Variants in CACHD1 observed in about 807,000 individuals in gnomAD.
CACHD1 encodes the protein VWFA and cache domain-containing protein 1.
Under a neutral mutation model 138.7 loss-of-function variants are expected in CACHD1, and 71 were observed. The observed-to-expected ratio is 0.51, with a 90% CI of 0.42 to 0.62. The LOEUF is 0.62. Among genes scored for constraint, CACHD1 ranks in the 20% least tolerant of loss-of-function variants. The probability of loss-of-function intolerance (pLI) is 0.00; values close to 1 mark genes in which losing one functional copy is unlikely to be tolerated. For missense variants in CACHD1, 1,389 were observed against 1,625.3 expected, an observed-to-expected ratio of 0.85 and a Z score of 2.50; for synonymous variants, 578 against 591.5, an observed-to-expected ratio of 0.98 and a Z score of 0.33.
intron 2 of CACHD1, among the ~76,000 whole-genome samples, chr1:64,580,773 A>G (rs1280504404): frequency 4.6e-5 from 7 of 152,126 alleles, no homozygotes; most frequent in Non-Finnish European, 7.4e-5. Context: ...CCTGGCCTCT[A>G]TCTATCTACT....
At chr1:64,529,426 C>T (rs1043320589) in intron 1 of CACHD1, among the ~76,000 whole-genome samples, 7 of 152,166 alleles carry the variant, frequency 4.6e-5, no homozygotes, top group Admixed American at 6.5e-5. Context: ...CTCAATACTT[C>T]GCAACCAATC....
chr1:64,595,552 G>A (rs547856797), intron 3 of CACHD1, among the ~76,000 whole-genome samples: 1 of 152,182 alleles, frequency 6.6e-6, no homozygotes, highest in East Asian at 1.9e-4. Context: ...TCCCCAGCCT[G>A]TTCTCTCTTT....
chr1:64,643,832 C>T, intron 8 of CACHD1, among the ~76,000 whole-genome samples: 1 of 152,134 alleles, frequency 6.6e-6, no homozygotes, highest in East Asian at 1.9e-4. Flanking sequence ...AGCAAGACTC[C>T]AAAAGAATGG....
chr1:64,507,032 A>G (rs1570313762), intron 1 of CACHD1, among the ~76,000 whole-genome samples: 1 of 152,240 alleles, frequency 6.6e-6, no homozygotes, highest in Non-Finnish European at 1.5e-5. Context: ...GATAAACTCT[A>G]CCATCTCTTG....
chr1:64,483,273 A>G (rs1646221626), intron 1 of CACHD1, among the ~76,000 whole-genome samples: 1 of 152,176 alleles, frequency 6.6e-6, no homozygotes. Flanking sequence ...TACAAAAATG[A>G]TTGTGTACTT....
At chr1:64,618,862 A>G (rs1647808518) in intron 4 of CACHD1, among the ~76,000 whole-genome samples, 1 of 152,022 alleles carries the variant, frequency 6.6e-6, no homozygotes, top group Non-Finnish European at 1.5e-5. Context: ...CAAGCGCGGG[A>G]GGTGGACAGC....
intron 9 of CACHD1, among the ~76,000 whole-genome samples, chr1:64,651,297 A>C (rs578009827): frequency 6.6e-6 from 1 of 152,040 alleles, no homozygotes; most frequent in South Asian, 2.1e-4. Context: ...TGGAAACTTA[A>C]TTTCTCCTTC....
chr1:64,640,807 G>T lies in CACHD1; in HGVS notation c.1007-1013G>T, dbSNP rs575323377. Among the ~76,000 whole-genome samples, 102 of 151,368 alleles carry T rather than the reference G, an allele frequency of 6.7e-4. No individual in the cohort carries two copies. In the Middle Eastern group the frequency reaches 0.01, roughly 15 times the overall value. On this transcript the variant is annotated intron_variant, in intron 7 of 26. Coordinates refer to ENST00000651257, the MANE Select transcript of CACHD1 (RefSeq NM_020925.4). ...TACAGATTAGGAAGAAGATGTAAAA[G>T]TCCAGCTCTCTGACTTCCCTCTTTT...
chr1:64,649,767 G>C (rs1649028548), intron 9 of CACHD1, among the ~76,000 whole-genome samples: 1 of 152,156 alleles, frequency 6.6e-6, no homozygotes, highest in South Asian at 2.1e-4. Flanking sequence ...ATCACATGTA[G>C]AACTTTGGCC....
intron 3 of CACHD1, among the ~76,000 whole-genome samples, chr1:64,597,706 A>G (rs574400068): frequency 1.3e-4 from 19 of 151,906 alleles, no homozygotes; most frequent in African/African-American, 4.3e-4. Flanking sequence ...TAACTTTTTA[A>G]AAGCACAGGC....
At chr1:64,662,008 A>G (rs1649462305) in intron 13 of CACHD1, among the ~76,000 whole-genome samples, 1 of 152,210 alleles carries the variant, frequency 6.6e-6, no homozygotes, top group Non-Finnish European at 1.5e-5. Flanking sequence ...CAGAGAAAAT[A>G]AGAACCCAGA....
At chr1:64,640,237 A>G (rs1231949651) in intron 7 of CACHD1, among the ~76,000 whole-genome samples, 1 of 152,210 alleles carries the variant, frequency 6.6e-6, no homozygotes, top group Non-Finnish European at 1.5e-5. Context: ...TGGAATCACT[A>G]AGGGACCAAG....
At chr1:64,500,095 C>T (rs760696715) in intron 1 of CACHD1, among the ~76,000 whole-genome samples, 6 of 152,162 alleles carry the variant, frequency 3.9e-5, no homozygotes, top group Admixed American at 6.5e-5. Flanking sequence ...CAAACTGTGA[C>T]GTTAAGATTT....
chr1:64,477,405 A>G (rs1246302751), intron 1 of CACHD1, among the ~76,000 whole-genome samples: 2 of 152,308 alleles, frequency 1.3e-5, no homozygotes, highest in Middle Eastern at 3.4e-3. Flanking sequence ...AGAAAATGCT[A>G]GACCTGGCTA....
chr1:64,522,364 G>A (rs1197249273), intron 1 of CACHD1, among the ~76,000 whole-genome samples: 2 of 151,958 alleles, frequency 1.3e-5, no homozygotes, highest in South Asian at 4.1e-4. Context: ...CTAGAGTGCA[G>A]TGGCATGATC....
chr1:64,549,804 A>AT (rs1161495313), intron 1 of CACHD1, among the ~76,000 whole-genome samples: 9 of 149,262 alleles, frequency 6.0e-5, no homozygotes, highest in African/African-American at 2.0e-4. Context: ...TATTTTTTTT[A>AT]TTTTTTTGCT....
intron 2 of CACHD1, among the ~76,000 whole-genome samples, chr1:64,562,445 C>G (rs4915983): frequency 0.82 from 119,620 of 145,500 alleles, 50,828 homozygotes; most frequent in South Asian, 0.94. Context: ...GAGTCTTGCT[C>G]TGCCACCAGG....
chr1:64,548,575 C>T (rs1478805563), intron 1 of CACHD1, among the ~76,000 whole-genome samples: 1 of 152,112 alleles, frequency 6.6e-6, no homozygotes, highest in Non-Finnish European at 1.5e-5. Flanking sequence ...AATCCTTCTT[C>T]CAAAATGAGT....
intron 26 of CACHD1, among the ~76,000 whole-genome samples, chr1:64,682,899 CTTT>C (rs34723423): frequency 6.8e-6 from 1 of 147,562 alleles, no homozygotes; most frequent in African/African-American, 2.5e-5. Context: ...ATTGTAAAAT[CTTT>C]TTTTTTTTTT....
Sources: allele counts gnomAD v4.1 joint callset (sites outside exome capture counted in the v4.1 genomes callset), GRCh38; gene constraint gnomAD v4.1.1; transcripts MANE v1.5; gene names NCBI Gene and HGNC (gene_info 2026-07-23, HGNC 2026-07-21).